The following SCO1 variants were observed in gnomAD, a reference collection of about 807,000 sequenced individuals.
The protein encoded by SCO1 is cytochrome c oxidase assembly factor SCO1.
A neutral mutation model predicts 34.0 loss-of-function variants in SCO1; 23 were observed. That is an observed-to-expected ratio of 0.68 (90% CI 0.49 to 0.96). The LOEUF is 0.96. Ranked by LOEUF, SCO1 falls within the 40% of genes least tolerant of loss-of-function variation. The pLI, the probability that SCO1 is intolerant of heterozygous loss-of-function variation, is 0.00. For synonymous variants in SCO1, 161 were observed against 145.5 expected (o/e 1.11, Z -0.77); for missense variants, 404 against 381.6 (o/e 1.06, Z -0.49).
Position 10,673,889 on chromosome 17 carries a change from C to T in SCO1, c.*7230G>A, listed in dbSNP as rs2074563918. 6.6e-6 allele frequency: 1 copy of T among 152,128 alleles called. No individual in the cohort carries two copies. The allele number at this position is 152,128 out of a possible 1,614,324, so 9.4% of individuals were successfully genotyped here. A position where few individuals can be genotyped will look rare whatever the true frequency, so the allele number is the denominator to read the frequency against. On this transcript the variant is annotated 3_prime_UTR_variant, in exon 6 of 6. Coordinates refer to ENST00000255390, the MANE Select transcript of SCO1 (RefSeq NM_004589.4). ...TTTGACAAAAATTTCAAAAGTGGGGCAATTAAATAATTATCAGAAAATGGA... is the reference window on the plus strand; with the variant it reads ...TTTGACAAAAATTTCAAAAGTGGGGTAATTAAATAATTATCAGAAAATGGA...
intron 2 of SCO1, 137 bp from the exon 3 acceptor site, chr17:10,693,098 A>G (rs2074700354): frequency 2.8e-6 from 2 of 707,052 alleles, no homozygotes. Flanking sequence ...TCAGTTTTCA[A>G]GAAGCTAAAA....
Position 10,673,788 on chromosome 17 carries a change from A to G in SCO1, c.*7331T>C, listed in dbSNP as rs2074563072. 6.6e-6 allele frequency: 1 copy of G among 152,224 alleles called. No individual in the cohort carries two copies. Among genetic ancestry groups the G allele is most frequent in the Admixed American group, 6.5e-5 (1 of 15,280 alleles). 9.4% of individuals were successfully genotyped at this position (152,224 alleles called of 1,614,324 possible). On this transcript the variant is annotated 3_prime_UTR_variant, in exon 6 of 6. Transcript: ENST00000255390. Reference sequence around the variant, plus strand: ...CAGCATCTCTCCCTGCTTTTTGATCATATTATAACAACTCGATGGAGAAAC... The same window carrying G: ...CAGCATCTCTCCCTGCTTTTTGATCGTATTATAACAACTCGATGGAGAAAC...
At chr17:10,687,654 C>G (rs551053013) in intron 4 of SCO1, among the ~76,000 whole-genome samples, 77 of 152,274 alleles carry the variant, frequency 5.1e-4, no homozygotes, top group African/African-American at 1.7e-3. Context: ...GTGAATGAAG[C>G]CTGAGTTAGC....
chr17:10,681,143 C>G lies in SCO1; in HGVS notation c.882G>C (p.Met294Ile). The change falls in exon 6 of 6, where the codon ATG becomes ATC. Residue 294 changes from methionine to isoleucine, a missense_variant. Met to Ile is a conservative substitution (Grantham distance 10). Transcript: ENST00000255390. Reference sequence around the variant, plus strand: ...GCTAGCTCTTTTTTCTGTATGGCCTCATGTGTGTGGCAATTGAAGCAGCTA... The same window carrying G: ...GCTAGCTCTTTTTTCTGTATGGCCTGATGTGTGTGGCAATTGAAGCAGCTA... ...GEIAASIATH[M>I]RPYRKKS The G allele has an allele frequency of 6.2e-7, 1 of 1,614,168 alleles. No homozygotes were observed. The highest frequency in any genetic ancestry group is 8.5e-7 in the Non-Finnish European group (1 of 1,180,028).
In SCO1 at chr17:10,675,843, G is replaced by T. The variant is rs1280442494; in HGVS notation, c.*5276C>A. On this transcript the variant is annotated 3_prime_UTR_variant, in exon 6 of 6. Coordinates refer to ENST00000255390, the MANE Select transcript of SCO1 (RefSeq NM_004589.4). ...AAGAATGGGAAGAGAGGCTTGGCGGGGAGGGTTGTCTTTCCCTAGGGTTGT... is the reference window on the plus strand; with the variant it reads ...AAGAATGGGAAGAGAGGCTTGGCGGTGAGGGTTGTCTTTCCCTAGGGTTGT... 6.6e-6 allele frequency: 1 copy of T among 152,136 alleles called. No homozygotes were observed. The highest frequency in any genetic ancestry group is 6.5e-5 in the Admixed American group (1 of 15,286). The allele number at this position is 152,136 out of a possible 1,614,324, so 9.4% of individuals were successfully genotyped here. A position where few individuals can be genotyped will look rare whatever the true frequency, so the allele number is the denominator to read the frequency against.
chr17:10,694,031 C>T (rs2074707154), intron 2 of SCO1, among the ~76,000 whole-genome samples: 2 of 152,138 alleles, frequency 1.3e-5, no homozygotes, highest in Admixed American at 1.3e-4. Flanking sequence ...CAGTAGAAAA[C>T]CTGTTAGACA....
In SCO1 at chr17:10,695,754, T is replaced by C. The variant is rs750871202; in HGVS notation, c.351A>G (p.Lys117=). Residue 117 remains lysine (K), a synonymous_variant, in exon 2 of 6, where the codon AAA becomes AAG. Coordinates refer to ENST00000255390, the MANE Select transcript of SCO1 (RefSeq NM_004589.4). ...TAATCTACTTACTCTCTGCCTTTTC[T>C]TTCTTGACGTGCTTCATTCCAGCCA... ...ALLAGMKHVK[K]EKAEKLEKER... 40 of 1,612,234 alleles carry C rather than the reference T, an allele frequency of 2.5e-5. No homozygotes were observed. The highest frequency in any genetic ancestry group is 3.2e-5 in the Non-Finnish European group (38 of 1,178,614).
At chr17:10,691,579 T>C (rs1007141150) in intron 4 of SCO1, among the ~76,000 whole-genome samples, 5 of 152,252 alleles carry the variant, frequency 3.3e-5, no homozygotes, top group African/African-American at 1.2e-4. Context: ...TTAGAAGCAA[T>C]GTGTCCTTAC....
intron 3 of SCO1, 87 bp downstream of exon 3, chr17:10,692,677 C>A: frequency 9.2e-7 from 1 of 1,088,066 alleles, no homozygotes; most frequent in South Asian, 1.3e-5. Flanking sequence ...AATTGCAAAA[C>A]CCCACCTAAC....
chr17:10,695,466 T>C (rs1036924814), intron 2 of SCO1: 3 of 394,246 alleles, frequency 7.6e-6, no homozygotes, highest in Non-Finnish European at 1.4e-5. Flanking sequence ...ATAAAAGACA[T>C]TGATAGAAAA....
chr17:10,692,805 G>A lies in SCO1; in HGVS notation c.521C>T (p.Pro174Leu), dbSNP rs104894630. 1.9e-6 allele frequency: 3 copies of A among 1,614,050 alleles called. No individual in the cohort carries two copies. Among genetic ancestry groups the A allele is most frequent in the Non-Finnish European group, 2.5e-6 (3 of 1,179,976 alleles). ...FGFTHCPDVCPEELEKMIQVV... is the reference protein window; with the variant it reads ...FGFTHCPDVCLEELEKMIQVV... ...TTGAATCATCTTTTCTAGTTCTTCT[G>A]GACAGACATCAGGGCAATGAGTGAA... is the stretch of plus-strand genomic sequence containing the variant. Residue 174 changes from proline to leucine, a missense_variant, in exon 3 of 6, where the codon CCA (proline) becomes CTA (leucine). Transcript: ENST00000255390.
At chr17:10,696,891 CCT>C (rs1374792023) in intron 1 of SCO1, among the ~76,000 whole-genome samples, 7 of 152,108 alleles carry the variant, frequency 4.6e-5, no homozygotes, top group Admixed American at 1.3e-4. Context: ...TTATAAAAGT[CCT>C]CTGACTTCTC....
At chr17:10,693,452 CAA>C (rs1173240657) in intron 2 of SCO1, among the ~76,000 whole-genome samples, 3 of 152,130 alleles carry the variant, frequency 2.0e-5, no homozygotes, top group Non-Finnish European at 4.4e-5. Context: ...CAATAGGAAA[CAA>C]GAGTCAACTA....
At chr17:10,682,188 A>G (rs906260232) in intron 5 of SCO1, among the ~76,000 whole-genome samples, 5 of 152,220 alleles carry the variant, frequency 3.3e-5, no homozygotes, top group African/African-American at 1.2e-4. Context: ...CTTGACTGCT[A>G]TTTGGCAAGA....
intron 5 of SCO1, among the ~76,000 whole-genome samples, chr17:10,685,916 C>T: frequency 6.6e-6 from 1 of 152,134 alleles, no homozygotes; most frequent in Non-Finnish European, 1.5e-5. Flanking sequence ...GAATATAAAT[C>T]AAACAATCAT....
rs1374744399 is a variant in SCO1, at chr17:10,692,917, C to G, written c.409G>C (p.Gly137Arg). ...RQRHIGKPLLGGPFSLTTHTG... is the reference protein window; with the variant it reads ...RQRHIGKPLLRGPFSLTTHTG... ...TGAGTTGTGAGGGAAAACGGTCCCCCAAGTAAAGGCTTGCCGATGTGTCGC... is the reference window on the plus strand; with the variant it reads ...TGAGTTGTGAGGGAAAACGGTCCCCGAAGTAAAGGCTTGCCGATGTGTCGC... Residue 137 changes from glycine (G) to arginine (R), a missense_variant, in exon 3 of 6, where the codon GGG becomes CGG. Transcript: ENST00000255390. 1 of 1,613,968 alleles carries G rather than the reference C, an allele frequency of 6.2e-7. No individual in the cohort carries two copies. Among genetic ancestry groups the G allele is most frequent in the Non-Finnish European group, 8.5e-7 (1 of 1,180,034 alleles).
At chr17:10,694,645 T>G in intron 2 of SCO1, among the ~76,000 whole-genome samples, 1 of 152,198 alleles carries the variant, frequency 6.6e-6, no homozygotes, top group East Asian at 1.9e-4. Flanking sequence ...GGAAGACTTT[T>G]CAGATTATTT....
intron 3 of SCO1, among the ~76,000 whole-genome samples, 180 bp downstream of exon 3, chr17:10,692,584 T>A (rs1214322570): frequency 6.6e-6 from 1 of 152,186 alleles, no homozygotes; most frequent in Non-Finnish European, 1.5e-5. Flanking sequence ...CAAAACAAGC[T>A]TCTTTCAGTG....
At chr17:10,686,051 G>A (rs1186682768) in intron 5 of SCO1, among the ~76,000 whole-genome samples, 2 of 152,020 alleles carry the variant, frequency 1.3e-5, no homozygotes, top group Non-Finnish European at 2.9e-5. Flanking sequence ...GGCCTCGCCT[G>A]GCCAACATGG....
Sources: allele counts gnomAD v4.1 joint callset (sites outside exome capture counted in the v4.1 genomes callset), GRCh38; gene constraint gnomAD v4.1.1; transcripts MANE v1.5; gene names NCBI Gene and HGNC (gene_info 2026-07-23, HGNC 2026-07-21).